TBL1X: variants seen among roughly 807,000 people sequenced by gnomAD.
TBL1X encodes F-box-like/WD repeat-containing protein TBL1X.
A neutral mutation model predicts 50.7 loss-of-function variants in TBL1X; 10 were observed. That is an observed-to-expected ratio of 0.20 (90% CI 0.12 to 0.33). TBL1X has a LOEUF of 0.33. Ranked by LOEUF, TBL1X falls within the 10% of genes least tolerant of loss-of-function variation. The pLI is 1.00. For synonymous variants in TBL1X, 190 were observed against 214.7 expected, an observed-to-expected ratio of 0.88 and a Z score of 1.01; for missense variants, 340 against 504.4, an observed-to-expected ratio of 0.67 and a Z score of 3.12.
chrX:9,506,628 A>G (rs2082027333), intron 2 of TBL1X, among the ~76,000 whole-genome samples: 1 of 112,251 alleles, frequency 8.9e-6, no homozygotes, highest in African/African-American at 3.2e-5. Flanking sequence ...CTACAGAAAT[A>G]CAAACTACTA....
At chrX:9,519,714 C>T (rs755132163) in intron 2 of TBL1X, among the ~76,000 whole-genome samples, 21 of 111,742 alleles carry the variant, frequency 1.9e-4, no homozygotes, top group Non-Finnish European at 3.9e-4. Flanking sequence ...TGCCTTTGCT[C>T]ATTTTCTTTC....
At chrX:9,629,027 A>G (rs1460792219) in intron 2 of TBL1X, among the ~76,000 whole-genome samples, 3 of 112,639 alleles carry the variant, frequency 2.7e-5, no homozygotes, top group Middle Eastern at 4.6e-3. Flanking sequence ...GGGCCATTCT[A>G]AGTAACCAAG....
intron 1 of TBL1X, among the ~76,000 whole-genome samples, chrX:9,480,154 A>G (rs927561912): frequency 1.8e-5 from 2 of 111,459 alleles, no homozygotes; most frequent in Admixed American, 9.5e-5. Flanking sequence ...GGGTTTCTCC[A>G]TGTTGGTCAA....
At chrX:9,591,010 G>A (rs1002033299) in intron 2 of TBL1X, among the ~76,000 whole-genome samples, 3 of 108,155 alleles carry the variant, frequency 2.8e-5, no homozygotes, top group Non-Finnish European at 5.8e-5. Flanking sequence ...TTGGGGGGAC[G>A]GGTATGGGGA....
chrX:9,466,045 G>A (rs941037416), intron 1 of TBL1X, among the ~76,000 whole-genome samples: 1 of 112,973 alleles, frequency 8.9e-6, no homozygotes, highest in African/African-American at 3.2e-5. Context: ...GAAGTCGGGA[G>A]CCCCAGTCCT....
chrX:9,508,703 A>T (rs1157962646), intron 2 of TBL1X, among the ~76,000 whole-genome samples: 1 of 111,987 alleles, frequency 8.9e-6, no homozygotes, highest in Non-Finnish European at 1.9e-5. Flanking sequence ...GCCATCAGTG[A>T]TAGACTGGAT....
chrX:9,604,090 AC>A (rs2082570247), intron 2 of TBL1X, among the ~76,000 whole-genome samples: 1 of 111,517 alleles, frequency 9.0e-6, no homozygotes, highest in East Asian at 2.8e-4. Flanking sequence ...GACTCAGGTC[AC>A]CCCATAACAG....
At chrX:9,704,850 G>A in intron 12 of TBL1X, 143 bp from the exon 13 acceptor site, 1 of 976,767 alleles carries the variant, frequency 1.0e-6, no homozygotes. Context: ...CTACACTCCA[G>A]CCTGGGTGAC....
At chrX:9,548,616 C>T (rs1042277563) in intron 2 of TBL1X, among the ~76,000 whole-genome samples, 10 of 112,085 alleles carry the variant, frequency 8.9e-5, no homozygotes, top group Non-Finnish European at 1.9e-5. Context: ...CATGCAGGTC[C>T]GTTATTGAGA....
At chrX:9,692,058 G>C in intron 8 of TBL1X, 55 bp from the exon 9 acceptor site, 2 of 1,209,127 alleles carry the variant, frequency 1.7e-6, no homozygotes, top group Non-Finnish European at 2.2e-6. Context: ...GCTGTGGAGA[G>C]CTTCTTATCC....
intron 7 of TBL1X, among the ~76,000 whole-genome samples, chrX:9,689,001 CGTGTGCGTGTAT>C (rs887559021): frequency 2.8e-4 from 31 of 111,396 alleles, no homozygotes; most frequent in South Asian, 7.1e-4. Context: ...TGTATGCATG[CGTGTGCGTGTAT>C]GTGTGCGTGT....
intron 2 of TBL1X, among the ~76,000 whole-genome samples, chrX:9,616,643 A>G (rs1276083406): frequency 8.9e-6 from 1 of 112,445 alleles, no homozygotes; most frequent in Non-Finnish European, 1.9e-5. Flanking sequence ...TTCTGACCCA[A>G]TAAGGAAAAT....
At chrX:9,608,179 C>A (rs1387098167) in intron 2 of TBL1X, among the ~76,000 whole-genome samples, 1 of 110,404 alleles carries the variant, frequency 9.1e-6, no homozygotes, top group Non-Finnish European at 1.9e-5. Context: ...GGAACGAGAC[C>A]CCAGAGGTGA....
chrX:9,593,532 C>A (rs887953495), intron 2 of TBL1X, among the ~76,000 whole-genome samples: 9 of 110,982 alleles, frequency 8.1e-5, no homozygotes, highest in Admixed American at 3.8e-4. Flanking sequence ...CAACCTTGAC[C>A]TACCTCTGAA....
In TBL1X at chrX:9,553,647, G is replaced by A. The variant is rs374622535; in HGVS notation, c.-131+51798G>A. ...CCTCCTTCCTCTTGCAATGAGAAGC[G>A]ACAGCCTCGTGGTGAAATTTGTTAG... On this transcript the variant is annotated intron_variant, in intron 2 of 17. Coordinates refer to ENST00000645353, the MANE Select transcript of TBL1X (RefSeq NM_005647.4). 9.0e-5 allele frequency among the ~76,000 whole-genome samples: 10 copies of A among 111,683 alleles called. No homozygotes were observed. In the East Asian group the frequency reaches 2.5e-3, roughly 28 times the overall value.
At chrX:9,563,179 C>G (rs1288904007) in intron 2 of TBL1X, among the ~76,000 whole-genome samples, 1 of 112,617 alleles carries the variant, frequency 8.9e-6, no homozygotes, top group Non-Finnish European at 1.9e-5. Flanking sequence ...CTTCAGTGGC[C>G]TTGTTCATTT....
chrX:9,571,066 C>T (rs1436623081), intron 2 of TBL1X, among the ~76,000 whole-genome samples: 1 of 112,238 alleles, frequency 8.9e-6, no homozygotes, highest in Non-Finnish European at 1.9e-5. Flanking sequence ...TAACCAAAGA[C>T]CACAGGCTGT....
chrX:9,580,049 C>CTT (rs2082432326), intron 2 of TBL1X, among the ~76,000 whole-genome samples: 1 of 112,320 alleles, frequency 8.9e-6, no homozygotes, highest in African/African-American at 3.2e-5. Flanking sequence ...TGAGCCAACT[C>CTT]TGAGTGGCCA....
intron 2 of TBL1X, among the ~76,000 whole-genome samples, chrX:9,607,774 CT>C (rs998615265): frequency 5.5e-5 from 6 of 109,502 alleles, no homozygotes; most frequent in East Asian, 2.9e-4. Flanking sequence ...TTTCTTTTTT[CT>C]TTTTTTTTCT....
Sources: allele counts gnomAD v4.1 joint callset (sites outside exome capture counted in the v4.1 genomes callset), GRCh38; gene constraint gnomAD v4.1.1; transcripts MANE v1.5; gene names NCBI Gene and HGNC (gene_info 2026-07-23, HGNC 2026-07-21).